Variants in NLGN1 observed in about 807,000 individuals in gnomAD.
NLGN1 encodes neuroligin 1, also known as neuroligin-1.
In NLGN1, 12 loss-of-function variants were observed where a neutral mutation model predicts 65.5. The ratio of observed to expected loss-of-function variants is 0.18; its 90% CI spans 0.12 to 0.30. NLGN1 has a LOEUF of 0.30. Among genes scored for constraint, NLGN1 ranks in the 10% least tolerant of loss-of-function variants. The pLI is 1.00. For synonymous variants in NLGN1, 350 were observed against 359.5 expected, an observed-to-expected ratio of 0.97 and a Z score of 0.30; for missense variants, 750 against 1,007.1, an observed-to-expected ratio of 0.74 and a Z score of 3.46.
At chr3:173,786,351 C>G (rs1014760899) in intron 3 of NLGN1, among the ~76,000 whole-genome samples, 7 of 152,076 alleles carry the variant, frequency 4.6e-5, no homozygotes, top group African/African-American at 9.7e-5. Flanking sequence ...CCATTTTGAT[C>G]TTTCTGTGAT....
At chr3:174,215,021 T>C (rs964042225) in intron 4 of NLGN1, among the ~76,000 whole-genome samples, 4 of 152,134 alleles carry the variant, frequency 2.6e-5, no homozygotes, top group Non-Finnish European at 4.4e-5. Context: ...GCCACACTTA[T>C]TTAATTATTT....
chr3:173,611,107 T>G (rs747722916), intron 3 of NLGN1, among the ~76,000 whole-genome samples: 1 of 152,020 alleles, frequency 6.6e-6, no homozygotes, highest in Non-Finnish European at 1.5e-5. Context: ...TGTGAGTGCA[T>G]GGGCAGAAGT....
chr3:174,039,964 A>C (rs998225414), intron 4 of NLGN1, among the ~76,000 whole-genome samples: 5 of 152,176 alleles, frequency 3.3e-5, no homozygotes, highest in African/African-American at 9.6e-5. Context: ...GAATGGAAAT[A>C]AGGCCAACCC....
At chr3:174,259,738 G>C (rs1328220751) in intron 4 of NLGN1, among the ~76,000 whole-genome samples, 1 of 151,196 alleles carries the variant, frequency 6.6e-6, no homozygotes, top group East Asian at 2.0e-4. Flanking sequence ...CATTGTGCAG[G>C]TTAGTTACAT....
At chr3:174,236,794 T>C (rs1741798563) in intron 4 of NLGN1, among the ~76,000 whole-genome samples, 1 of 152,114 alleles carries the variant, frequency 6.6e-6, no homozygotes, top group Non-Finnish European at 1.5e-5. Context: ...ATTTGAACTT[T>C]TGTTATTTTA....
At chr3:173,747,288 AAT>A (rs1236967893) in intron 3 of NLGN1, among the ~76,000 whole-genome samples, 2 of 145,258 alleles carry the variant, frequency 1.4e-5, no homozygotes. Flanking sequence ...TATATATTTA[AAT>A]ATATCTTATG....
chr3:174,108,912 TG>T (rs1238063218), intron 4 of NLGN1, among the ~76,000 whole-genome samples: 1 of 152,068 alleles, frequency 6.6e-6, no homozygotes, highest in Non-Finnish European at 1.5e-5. Context: ...TCTCTTTCTC[TG>T]TTCTCTCTCT....
chr3:173,837,305 TCAG>T (rs1233470490), intron 4 of NLGN1, among the ~76,000 whole-genome samples: 1 of 152,076 alleles, frequency 6.6e-6, no homozygotes, highest in Admixed American at 6.6e-5. Context: ...TTAAGTAAAA[TCAG>T]GCATATACTT....
At chr3:173,934,878 A>G (rs1744769644) in intron 4 of NLGN1, among the ~76,000 whole-genome samples, 1 of 152,026 alleles carries the variant, frequency 6.6e-6, no homozygotes, top group African/African-American at 2.4e-5. Context: ...AAGACATAAT[A>G]TATTATGTAT....
chr3:174,176,805 G>A (rs1349692882), intron 4 of NLGN1, among the ~76,000 whole-genome samples: 1 of 151,932 alleles, frequency 6.6e-6, no homozygotes, highest in Non-Finnish European at 1.5e-5. Flanking sequence ...AATATCATTT[G>A]GCTTCATCTT....
chr3:173,618,450 G>A (rs1455773700), intron 3 of NLGN1, among the ~76,000 whole-genome samples: 3 of 151,988 alleles, frequency 2.0e-5, no homozygotes, highest in African/African-American at 7.2e-5. Context: ...TCCTTCCTCG[G>A]GCTCCCAAAG....
At chr3:173,539,395 A>ATATATATGTTATATAT (rs1426688129) in intron 2 of NLGN1, among the ~76,000 whole-genome samples, 2 of 144,698 alleles carry the variant, frequency 1.4e-5, no homozygotes, top group Admixed American at 6.9e-5. Context: ...TATAAAAAAC[A>ATATATATGTTATATAT]TATATATGTT....
chr3:173,478,880 A>G (rs1038797811), intron 2 of NLGN1, among the ~76,000 whole-genome samples: 1 of 151,948 alleles, frequency 6.6e-6, no homozygotes, highest in Non-Finnish European at 1.5e-5. Context: ...AGACAGAGCA[A>G]GACCGTGTCT....
chr3:173,944,539 G>T (rs1050319017), intron 4 of NLGN1, among the ~76,000 whole-genome samples: 2 of 152,092 alleles, frequency 1.3e-5, no homozygotes, highest in African/African-American at 4.8e-5. Context: ...TAGGATGTTT[G>T]CCACCAAGGG....
chr3:173,410,774 T>G (rs1210676338), intron 1 of NLGN1, among the ~76,000 whole-genome samples: 1 of 152,244 alleles, frequency 6.6e-6, no homozygotes, highest in Non-Finnish European at 1.5e-5. Flanking sequence ...AGTATGCCAC[T>G]TCAATCATGT....
At chr3:173,439,179 A>T (rs1718693110) in intron 2 of NLGN1, among the ~76,000 whole-genome samples, 2 of 152,188 alleles carry the variant, frequency 1.3e-5, no homozygotes, top group South Asian at 4.1e-4. Context: ...TTTTTCCCCC[A>T]TAGCACATAT....
At chr3:173,592,844 T>A (rs919077365) in intron 2 of NLGN1, among the ~76,000 whole-genome samples, 34 of 152,270 alleles carry the variant, frequency 2.2e-4, no homozygotes, top group East Asian at 5.8e-4. Flanking sequence ...CTCATCATAG[T>A]TTGGATAAGA....
chr3:174,231,121 G>A (rs2152817252), intron 4 of NLGN1, among the ~76,000 whole-genome samples: 1 of 152,292 alleles, frequency 6.6e-6, no homozygotes, highest in South Asian at 2.1e-4. Context: ...AAGCAAGAGG[G>A]AGTCAGTTAA....
At chr3:173,853,039 C>G (rs1727282909) in intron 4 of NLGN1, among the ~76,000 whole-genome samples, 1 of 152,112 alleles carries the variant, frequency 6.6e-6, no homozygotes, top group Non-Finnish European at 1.5e-5. Context: ...GAAATGGACC[C>G]AATTCTCTAC....
Sources: gnomAD v4.1 joint callset for allele counts (sites outside exome capture counted in the v4.1 genomes callset) on GRCh38, gnomAD v4.1.1 for gene constraint, MANE v1.5 for transcripts, NCBI Gene and HGNC (gene_info 2026-07-23, HGNC 2026-07-21) for gene names.